NUP37: variants seen among roughly 807,000 people sequenced by gnomAD.
NUP37 encodes nucleoporin Nup37.
NUP37 carries 33 observed loss-of-function variants against 45.4 expected under a neutral mutation model. The ratio of observed to expected loss-of-function variants is 0.73; its 90% CI spans 0.55 to 0.97. The LOEUF (loss-of-function observed/expected upper bound fraction) is 0.97. NUP37 is among the 50% of genes least tolerant of loss of function. The pLI is 0.00. For synonymous variants in NUP37, 127 were observed against 130.7 expected (o/e 0.97, Z 0.19); for missense variants, 365 against 389.7 (o/e 0.94, Z 0.53).
At chr12:102,116,786 C>T (rs141154086) in intron 2 of NUP37, among the ~76,000 whole-genome samples, 6,350 of 151,668 alleles carry the variant, frequency 0.042, 198 homozygotes, top group African/African-American at 0.081. Flanking sequence ...GGGCGGATCA[C>T]GAGGTCAGTT....
At chr12:102,117,813 T>A (rs1880508179) in intron 2 of NUP37, among the ~76,000 whole-genome samples, 1 of 152,162 alleles carries the variant, frequency 6.6e-6, no homozygotes, top group South Asian at 2.1e-4. Context: ...AAAGCAGGAG[T>A]AAACATGTAG....
At chr12:102,092,878 G>T (rs1411746421) in intron 5 of NUP37, among the ~76,000 whole-genome samples, 1 of 152,076 alleles carries the variant, frequency 6.6e-6, no homozygotes, top group Non-Finnish European at 1.5e-5. Context: ...TTTATAGCAG[G>T]ATACTTTCAG....
At chr12:102,118,303 G>GT (rs1880529023) in intron 2 of NUP37, 60 bp downstream of exon 2, 2 of 1,452,500 alleles carry the variant, frequency 1.4e-6, no homozygotes, top group Admixed American at 2.3e-5. Flanking sequence ...TTTGGTTTGT[G>GT]TAAGTTCTCT....
rs545816383 is a variant in NUP37, at chr12:102,108,256, G to A, written c.281+3852C>T. Reference sequence around the variant, plus strand: ...CAACTAGAAAAAACAGACAGATGGAGGTGGAAGGAGATGACTTGCTGAGTC... The same window carrying A: ...CAACTAGAAAAAACAGACAGATGGAAGTGGAAGGAGATGACTTGCTGAGTC... On this transcript the variant is annotated intron_variant, in intron 3 of 9. Transcript: ENST00000552283. Among the ~76,000 whole-genome samples the A allele has an allele frequency of 4.0e-5, 6 of 151,674 alleles. No individual in the cohort carries two copies. The East Asian group carries it at 1.2e-3, about 30-fold the overall frequency.
intron 2 of NUP37, among the ~76,000 whole-genome samples, chr12:102,113,411 T>C (rs1009066280): frequency 3.9e-5 from 6 of 152,202 alleles, no homozygotes; most frequent in Admixed American, 3.9e-4. Flanking sequence ...ATGTTCCTTT[T>C]CTTAAACTAA....
In NUP37 at chr12:102,077,309, A is replaced by T; in HGVS notation, c.722+13T>A. On this transcript the variant is annotated intron_variant, in intron 7 of 9. Transcript: ENST00000552283. The stretch of plus-strand genomic sequence containing the variant: ...TTTTTGGTGTGTAATAGACAAACAT[A>T]TCAAGAAAGTACCTGGACCGAGTAA... 1 of 1,613,698 alleles carries T rather than the reference A, an allele frequency of 6.2e-7. No homozygotes were observed. Among genetic ancestry groups the T allele is most frequent in the Non-Finnish European group, 8.5e-7 (1 of 1,179,746 alleles).
intron 3 of NUP37, among the ~76,000 whole-genome samples, chr12:102,102,707 T>C (rs184013858): frequency 1.3e-5 from 2 of 152,324 alleles, no homozygotes; most frequent in African/African-American, 4.8e-5. Flanking sequence ...CTTTTTCTGT[T>C]TTCTTCTAGC....
intron 6 of NUP37, among the ~76,000 whole-genome samples, chr12:102,079,693 C>T (rs1879278150): frequency 2.6e-5 from 4 of 152,084 alleles, no homozygotes; most frequent in Admixed American, 2.6e-4. Context: ...GAACACTAGC[C>T]AGCACTACAT....
At chr12:102,101,596 C>T (rs1210923144) in intron 3 of NUP37, among the ~76,000 whole-genome samples, 2 of 152,008 alleles carry the variant, frequency 1.3e-5, no homozygotes, top group Non-Finnish European at 2.9e-5. Flanking sequence ...ATTTTTATAA[C>T]TATAAAAGCT....
At chr12:102,110,758 C>T (rs898588624) in intron 3 of NUP37, among the ~76,000 whole-genome samples, 6 of 152,196 alleles carry the variant, frequency 3.9e-5, no homozygotes, top group Middle Eastern at 3.4e-3. Flanking sequence ...GGTGGGAAGA[C>T]GGCTTGAGCC....
At chr12:102,077,619 T>C in intron 6 of NUP37, 116 bp from the exon 7 acceptor site, 1 of 995,346 alleles carries the variant, frequency 1.0e-6, no homozygotes. Context: ...ATATACAGGT[T>C]CAGCATTCCT....
At chr12:102,089,662 C>T (rs1879590391) in intron 5 of NUP37, among the ~76,000 whole-genome samples, 1 of 149,900 alleles carries the variant, frequency 6.7e-6, no homozygotes, top group East Asian at 2.0e-4. Flanking sequence ...GGCAGAGGCG[C>T]TCCTCACTTC....
chr12:102,092,345 A>G (rs1304027736), intron 5 of NUP37, among the ~76,000 whole-genome samples: 1 of 152,210 alleles, frequency 6.6e-6, no homozygotes, highest in Non-Finnish European at 1.5e-5. Flanking sequence ...GAATCTGTGT[A>G]TTGATTAATT....
At chr12:102,083,012 A>G (rs1371148035) in intron 6 of NUP37, among the ~76,000 whole-genome samples, 1 of 152,238 alleles carries the variant, frequency 6.6e-6, no homozygotes, top group East Asian at 1.9e-4. Context: ...GAAGTCATGG[A>G]AACATCATAA....
At chr12:102,078,698 A>G (rs1186352865) in intron 6 of NUP37, among the ~76,000 whole-genome samples, 4 of 152,192 alleles carry the variant, frequency 2.6e-5, no homozygotes, top group African/African-American at 9.7e-5. Flanking sequence ...ATTAAATAGT[A>G]ATGTGGGTAA....
chr12:102,075,081 T>G lies in NUP37; in HGVS notation c.787A>C (p.Ser263Arg). The G allele has an allele frequency of 6.2e-7, 1 of 1,609,222 alleles. No homozygotes were observed. Among genetic ancestry groups the G allele is most frequent in the Non-Finnish European group, 8.5e-7 (1 of 1,176,888 alleles). ...CCAGTGGTTGCAAACAGATTTTCAC[T>G]AATTGTGGACCACCTAAGAAATAAG... Reference protein sequence around the residue: ...RACLFRWSTISENLFATTGYP... With the variant: ...RACLFRWSTIRENLFATTGYP... The change falls in exon 9 of 10, where the codon AGT (serine) becomes CGT (arginine). Residue 263 changes from serine to arginine, a missense_variant. Physicochemically the swap from Ser to Arg is moderately radical, Grantham distance 110. Coordinates refer to ENST00000552283, the MANE Select transcript of NUP37 (RefSeq NM_024057.4).
At position 102,085,102 on chromosome 12, in the gene NUP37, CAACA is replaced by C. The variant is rs368115832; in HGVS notation, c.540+660_540+663del. Among the ~76,000 whole-genome samples, 933 of 152,144 alleles carry C rather than the reference CAACA, an allele frequency of 6.1e-3. 11 individuals are homozygous for C. Among genetic ancestry groups the C allele is most frequent in the African/African-American group, 0.021 (871 of 41,506 alleles). On this transcript the variant is annotated intron_variant, in intron 6 of 9. Coordinates refer to ENST00000552283, the MANE Select transcript of NUP37 (RefSeq NM_024057.4). ...CGTGGATGATGTAACTTAAAACAAA[CAACA>C]AACAAACAAACAAACAAAAAACTGC...
intron 5 of NUP37, among the ~76,000 whole-genome samples, chr12:102,096,362 C>T (rs1436288364): frequency 6.6e-6 from 1 of 152,034 alleles, no homozygotes; most frequent in Non-Finnish European, 1.5e-5. Context: ...ATCAGAGGTA[C>T]CTTTGTTCAC....
intron 3 of NUP37, among the ~76,000 whole-genome samples, chr12:102,105,804 G>C (rs1880130446): frequency 6.7e-6 from 1 of 149,538 alleles, no homozygotes; most frequent in South Asian, 2.1e-4. Context: ...GGAGGTTGCA[G>C]TGAGCCGAGA....
Sources: allele counts gnomAD v4.1 joint callset (sites outside exome capture counted in the v4.1 genomes callset), GRCh38; gene constraint gnomAD v4.1.1; transcripts MANE v1.5; gene names NCBI Gene and HGNC (gene_info 2026-07-23, HGNC 2026-07-21).